Variants in NSD1 observed in about 807,000 individuals in gnomAD.
NSD1 encodes the protein nuclear receptor binding SET domain protein 1.
A neutral mutation model predicts 242.7 loss-of-function variants in NSD1; 26 were observed. That is an observed-to-expected ratio of 0.11 (90% CI 0.08 to 0.15). The LOEUF is 0.15. Among genes scored for constraint, NSD1 ranks in the 10% least tolerant of loss-of-function variants. The pLI, the probability that NSD1 is intolerant of heterozygous loss-of-function variation, is 1.00. For synonymous variants in NSD1, 1,106 were observed against 1,178.1 expected, an observed-to-expected ratio of 0.94 and a Z score of 1.25; for missense variants, 2,495 against 3,272.8, an observed-to-expected ratio of 0.76 and a Z score of 5.80.
intron 2 of NSD1, among the ~76,000 whole-genome samples, chr5:177,187,169 A>G (rs1010609726): frequency 3.0e-5 from 4 of 135,264 alleles, no homozygotes; most frequent in Non-Finnish European, 6.0e-5. Flanking sequence ...CAGTGGTAAG[A>G]TCTTGGCTCA....
rs572423420 is a variant in NSD1, at chr5:177,140,519, A to G, written c.927+4489A>G. Among the ~76,000 whole-genome samples, 20 of 152,246 alleles carry G rather than the reference A, an allele frequency of 1.3e-4. 1 individual carries two copies. In the South Asian group the frequency reaches 3.9e-3, roughly 30 times the overall value. ...AGGTTAGGATGTAGGGTATGTTGCA[A>G]TAGTAATTAAGACTTAAGAATCGGC... is the stretch of plus-strand genomic sequence containing the variant. On this transcript the variant is annotated intron_variant, in intron 2 of 22. Coordinates refer to ENST00000439151, the MANE Select transcript of NSD1 (RefSeq NM_022455.5).
intron 2 of NSD1, among the ~76,000 whole-genome samples, chr5:177,191,676 A>G (rs1351703724): frequency 2.0e-5 from 3 of 152,232 alleles, no homozygotes; most frequent in Admixed American, 6.5e-5. Context: ...TAAAACAATT[A>G]TAAGTTGAGA....
intron 21 of NSD1, among the ~76,000 whole-genome samples, chr5:177,291,260 G>A (rs1759794946): frequency 6.6e-6 from 1 of 152,180 alleles, no homozygotes; most frequent in Non-Finnish European, 1.5e-5. Context: ...TTAACACATT[G>A]CTTATAGTAA....
At chr5:177,227,416 A>G (rs1181585709) in intron 5 of NSD1, among the ~76,000 whole-genome samples, 2 of 152,200 alleles carry the variant, frequency 1.3e-5, no homozygotes, top group Non-Finnish European at 2.9e-5. Flanking sequence ...GCAGGATGAT[A>G]ACAATATTCA....
At chr5:177,186,034 T>A (rs1400840601) in intron 2 of NSD1, among the ~76,000 whole-genome samples, 150 of 103,068 alleles carry the variant, frequency 1.5e-3, no homozygotes, top group Admixed American at 0.01. Context: ...TATATATTTT[T>A]TATATATATA....
Position 177,209,950 on chromosome 5 carries a change from A to C in NSD1, c.1551A>C (p.Gln517His). ...CTAGTGTGAAAAAGGGCCACATACAATTTGAAGCACATAAAGATGAACGGA... is the reference window on the plus strand; with the variant it reads ...CTAGTGTGAAAAAGGGCCACATACACTTTGAAGCACATAAAGATGAACGGA... ...KRTSVKKGHI[Q>H]FEAHKDERRG... is the part of the protein sequence containing the mutation. The change falls in exon 5 of 23, where the codon CAA becomes CAC. Residue 517 changes from glutamine to histidine, a missense_variant. Around this residue, in one of 19 missense-constraint regions of NSD1, gnomAD observed 515 missense variants for 467.0 expected, o/e 1.10. Coordinates refer to ENST00000439151, the MANE Select transcript of NSD1 (RefSeq NM_022455.5). The C allele has an allele frequency of 6.2e-7, 1 of 1,614,168 alleles. No homozygotes were observed. Among genetic ancestry groups the C allele is most frequent in the Non-Finnish European group, 8.5e-7 (1 of 1,180,014 alleles).
intron 2 of NSD1, among the ~76,000 whole-genome samples, chr5:177,178,553 G>A (rs1760400355): frequency 6.6e-6 from 1 of 152,016 alleles, no homozygotes; most frequent in East Asian, 1.9e-4. Flanking sequence ...AAATTTATAA[G>A]GATTAAGAAA....
Position 177,210,050 on chromosome 5 carries a change from C to A in NSD1, c.1651C>A (p.Leu551Ile), listed in dbSNP as rs777443692. The change falls in exon 5 of 23, where the codon CTT (leucine) becomes ATT (isoleucine). Residue 551 changes from leucine (L) to isoleucine (I), a missense_variant. Around this residue, in one of 19 missense-constraint regions of NSD1, gnomAD observed 515 missense variants for 467.0 expected, o/e 1.10. Coordinates refer to ENST00000439151, the MANE Select transcript of NSD1 (RefSeq NM_022455.5). ...DISDTQASNE[L>I]SRIANSLTGS... ...ATCTGATACGCAGGCCTCTAATGAA[C>A]TTTCCAGGATAGCAAATAGCCTCAC... The A allele has an allele frequency of 6.2e-7, 1 of 1,614,094 alleles. No individual in the cohort carries two copies. The highest frequency in any genetic ancestry group is 1.7e-5 in the Admixed American group (1 of 60,002).
At position 177,296,308 on chromosome 5, in the gene NSD1, C is replaced by A. The variant is rs1468968784; in HGVS notation, c.*849C>A. The A allele has an allele frequency of 1.3e-5, 3 of 233,462 alleles. No individual in the cohort carries two copies. The highest frequency in any genetic ancestry group is 2.5e-5 in the Non-Finnish European group (3 of 118,244). 14.5% of individuals were successfully genotyped at this position (233,462 alleles called of 1,614,324 possible). ...TCGGGCTCTGTGCGAATGTAGATTT[C>A]CAGCAGTGGAAGAAGGCATTTGGCA... On this transcript the variant is annotated 3_prime_UTR_variant, in exon 23 of 23. Coordinates refer to ENST00000439151, the MANE Select transcript of NSD1 (RefSeq NM_022455.5).
intron 2 of NSD1, among the ~76,000 whole-genome samples, chr5:177,181,017 G>A (rs1481412811): frequency 6.7e-6 from 1 of 149,698 alleles, no homozygotes; most frequent in Non-Finnish European, 1.5e-5. Context: ...GTTGCATTTT[G>A]TAGATGAGCA....
rs1757302340 is a variant in NSD1, at chr5:177,264,986, T to C, written c.5147-2576T>C. On this transcript the variant is annotated intron_variant, in intron 14 of 22. Transcript: ENST00000439151. ...AGTGTTACCCAGCATGCTGTTGGCA[T>C]TGTTGTAAACAAACAAGGGCAAGAT... 6.8e-6 allele frequency: 6 copies of C among 887,340 alleles called. No homozygotes were observed. In the Admixed American group the frequency reaches 6.8e-5, roughly 10 times the overall value. 55.0% of individuals were successfully genotyped at this position (887,340 alleles called of 1,614,324 possible). A position where few individuals can be genotyped will look rare whatever the true frequency, so the allele number is the denominator to read the frequency against.
rs1757782361 is a variant in NSD1 at position 177,269,429 on chromosome 5, G to T, written c.5304-173G>T. On this transcript the variant is annotated intron_variant, in intron 15 of 22. Coordinates refer to ENST00000439151, the MANE Select transcript of NSD1 (RefSeq NM_022455.5). This position sits in a 1 kb window ranked among gnomAD's most constrained non-coding sequence, Gnocchi z 5.1. Reference sequence around the variant, plus strand: ...TGGGAATGTGGGCAGATGTTTTCCAGCTTCTAGCACATACGACTTGTTTGT... The same window carrying T: ...TGGGAATGTGGGCAGATGTTTTCCATCTTCTAGCACATACGACTTGTTTGT... Among the ~76,000 whole-genome samples the T allele has an allele frequency of 6.6e-6, 1 of 152,172 alleles. No individual in the cohort carries two copies. Among genetic ancestry groups the T allele is most frequent in the Non-Finnish European group, 1.5e-5 (1 of 68,038 alleles).
chr5:177,300,079 A>G lies in NSD1; in HGVS notation c.*4620A>G, dbSNP rs1433369763. On this transcript the variant is annotated 3_prime_UTR_variant, in exon 23 of 23. Coordinates refer to ENST00000439151, the MANE Select transcript of NSD1 (RefSeq NM_022455.5). ...CGCGCCCCCCCCCCCCCGCCCCCATAGATTGTCAGCTGTAAGTGAAACTCC... is the reference window on the plus strand; with the variant it reads ...CGCGCCCCCCCCCCCCCGCCCCCATGGATTGTCAGCTGTAAGTGAAACTCC... 1 of 118,726 alleles carries G rather than the reference A, an allele frequency of 8.4e-6. No homozygotes were observed. Among genetic ancestry groups the G allele is most frequent in the Non-Finnish European group, 1.6e-5 (1 of 63,414 alleles). 7.4% of individuals were successfully genotyped at this position (118,726 alleles called of 1,614,324 possible). A position where few individuals can be genotyped will look rare whatever the true frequency, so the allele number is the denominator to read the frequency against.
chr5:177,144,871 A>C (rs1228495636), intron 2 of NSD1, among the ~76,000 whole-genome samples: 2 of 152,218 alleles, frequency 1.3e-5, no homozygotes, highest in East Asian at 3.9e-4. Context: ...ATCTGAGGTC[A>C]GGAGTTCAAG....
At chr5:177,162,151 A>G (rs1758809144) in intron 2 of NSD1, among the ~76,000 whole-genome samples, 2 of 151,920 alleles carry the variant, frequency 1.3e-5, no homozygotes, top group Non-Finnish European at 2.9e-5. Context: ...CACAAAAATT[A>G]GTTGGGCGTG....
chr5:177,269,902 C>T lies in NSD1; in HGVS notation c.5509+95C>T. ...AATTCACATATGCTCCATTTTGAAA[C>T]TGCCTTTGTCCTCTCAGGGCATTAT... On this transcript the variant is annotated intron_variant, in intron 16 of 22. Coordinates refer to ENST00000439151, the MANE Select transcript of NSD1 (RefSeq NM_022455.5). This position sits in a 1 kb window ranked among gnomAD's most constrained non-coding sequence, Gnocchi z 5.1. The T allele has an allele frequency of 1.8e-6, 2 of 1,093,314 alleles. No homozygotes were observed. Among genetic ancestry groups the T allele is most frequent in the Non-Finnish European group, 2.6e-6 (2 of 755,000 alleles). 67.7% of individuals were successfully genotyped at this position (1,093,314 alleles called of 1,614,324 possible). A position where few individuals can be genotyped will look rare whatever the true frequency, so the allele number is the denominator to read the frequency against.
chr5:177,146,615 G>A (rs1193370638), intron 2 of NSD1, among the ~76,000 whole-genome samples: 1 of 152,126 alleles, frequency 6.6e-6, no homozygotes, highest in Non-Finnish European at 1.5e-5. Flanking sequence ...CATTCTGGAT[G>A]TCCCCAGTTT....
chr5:177,164,696 C>A (rs1435443364), intron 2 of NSD1, among the ~76,000 whole-genome samples: 1 of 152,048 alleles, frequency 6.6e-6, no homozygotes, highest in Non-Finnish European at 1.5e-5. Context: ...AATTCCAGCA[C>A]TTTGGGAGGC....
At chr5:177,161,487 T>A (rs1485097705) in intron 2 of NSD1, among the ~76,000 whole-genome samples, 2 of 152,142 alleles carry the variant, frequency 1.3e-5, no homozygotes, top group East Asian at 1.9e-4. Context: ...CTCCTATTTT[T>A]AAAAAATTTT....
Sources: allele counts gnomAD v4.1 joint callset (sites outside exome capture counted in the v4.1 genomes callset), GRCh38; gene constraint gnomAD v4.1.1; regional missense constraint gnomAD v4.1.1; non-coding constraint Gnocchi (gnomAD v3.1); transcripts MANE v1.5; gene names NCBI Gene and HGNC (gene_info 2026-07-23, HGNC 2026-07-21).